Variants in ROBO2 observed in about 807,000 individuals in gnomAD.
ROBO2 encodes the protein roundabout homolog 2.
A neutral mutation model predicts 160.8 loss-of-function variants in ROBO2; 53 were observed. The observed-to-expected ratio is 0.33, with a 90% CI of 0.26 to 0.41. ROBO2 has a LOEUF of 0.41. ROBO2 is among the 10% of genes least tolerant of loss of function. The pLI is 1.00. For missense variants in ROBO2, 1,577 were observed against 1,722.4 expected (o/e 0.92, Z 1.49); for synonymous variants, 664 against 611.7 (o/e 1.09, Z -1.26).
intron 2 of ROBO2, among the ~76,000 whole-genome samples, chr3:76,243,461 A>G (rs1054275098): frequency 1.3e-5 from 2 of 152,212 alleles, no homozygotes; most frequent in Non-Finnish European, 2.9e-5. Flanking sequence ...ATTATCACTT[A>G]TATTACAAAA....
intron 2 of ROBO2, among the ~76,000 whole-genome samples, chr3:76,256,000 G>A (rs1213214631): frequency 1.3e-5 from 2 of 151,952 alleles, no homozygotes; most frequent in Admixed American, 6.6e-5. Context: ...GCTATTATAT[G>A]AAAAAGACTT....
chr3:76,616,108 T>G (rs2088561045), intron 2 of ROBO2, among the ~76,000 whole-genome samples: 1 of 152,224 alleles, frequency 6.6e-6, no homozygotes, highest in African/African-American at 2.4e-5. Flanking sequence ...TGTTACATAT[T>G]TCCAGTAACT....
chr3:76,097,521 G>C (rs974355896), intron 2 of ROBO2, among the ~76,000 whole-genome samples: 1 of 152,142 alleles, frequency 6.6e-6, no homozygotes, highest in Non-Finnish European at 1.5e-5. Context: ...TGAGTATTGT[G>C]ATAGGCAAGA....
intron 2 of ROBO2, among the ~76,000 whole-genome samples, chr3:76,988,945 T>C (rs1012501596): frequency 6.6e-6 from 1 of 152,130 alleles, no homozygotes; most frequent in Non-Finnish European, 1.5e-5. Flanking sequence ...AGAAAAATAA[T>C]TTATATTAAG....
At chr3:76,813,298 A>G (rs781626582) in intron 2 of ROBO2, among the ~76,000 whole-genome samples, 25 of 152,078 alleles carry the variant, frequency 1.6e-4, no homozygotes, top group Non-Finnish European at 3.2e-4. Flanking sequence ...AGTACTACAC[A>G]TTTACTAATC....
intron 2 of ROBO2, among the ~76,000 whole-genome samples, chr3:76,713,745 A>T (rs979703947): frequency 2.6e-5 from 4 of 152,170 alleles, no homozygotes; most frequent in Non-Finnish European, 5.9e-5. Flanking sequence ...TCTTTATTCA[A>T]CATTAACAAC....
intron 2 of ROBO2, among the ~76,000 whole-genome samples, chr3:75,970,387 T>C (rs1311379116): frequency 6.6e-6 from 1 of 151,518 alleles, no homozygotes; most frequent in Non-Finnish European, 1.5e-5. Flanking sequence ...ATTATGATTT[T>C]TAAGTTGTGT....
intron 2 of ROBO2, among the ~76,000 whole-genome samples, chr3:76,350,176 GA>G (rs2074787820): frequency 6.6e-6 from 1 of 152,024 alleles, no homozygotes; most frequent in South Asian, 2.1e-4. Flanking sequence ...ACACACTTGG[GA>G]ATGAATTTAG....
At chr3:77,349,350 C>G (rs2068045760) in intron 2 of ROBO2, among the ~76,000 whole-genome samples, 1 of 152,124 alleles carries the variant, frequency 6.6e-6, no homozygotes, top group Admixed American at 6.5e-5. Context: ...ACTCAATTCT[C>G]TTGACTCCTA....
At chr3:77,031,915 G>A (rs1018274704) in intron 2 of ROBO2, among the ~76,000 whole-genome samples, 23 of 151,998 alleles carry the variant, frequency 1.5e-4, no homozygotes, top group African/African-American at 5.3e-4. Context: ...GGAAGTTCAA[G>A]ATCAAGGCAC....
At chr3:76,374,226 A>T (rs1397501647) in intron 2 of ROBO2, among the ~76,000 whole-genome samples, 1 of 151,990 alleles carries the variant, frequency 6.6e-6, no homozygotes, top group Non-Finnish European at 1.5e-5. Context: ...ACTACAAATG[A>T]TAAAGCATCC....
intron 2 of ROBO2, among the ~76,000 whole-genome samples, chr3:77,025,188 A>G (rs2062887636): frequency 6.6e-6 from 1 of 152,164 alleles, no homozygotes; most frequent in South Asian, 2.1e-4. Flanking sequence ...AATTTTTATT[A>G]TTAGGCATTT....
chr3:76,043,643 A>AAAAAG (rs2067353630), intron 2 of ROBO2, among the ~76,000 whole-genome samples: 3 of 149,926 alleles, frequency 2.0e-5, no homozygotes, highest in Non-Finnish European at 4.4e-5. Flanking sequence ...AAAAAAAAAA[A>AAAAAG]AAACCACACC....
chr3:77,273,490 C>T (rs1276839850), intron 2 of ROBO2, among the ~76,000 whole-genome samples: 1 of 152,094 alleles, frequency 6.6e-6, no homozygotes, highest in African/African-American at 2.4e-5. Flanking sequence ...AGTAATCTAG[C>T]CGTTTTATTT....
intron 2 of ROBO2, among the ~76,000 whole-genome samples, chr3:76,704,042 C>A (rs1330728239): frequency 6.7e-6 from 1 of 149,658 alleles, no homozygotes; most frequent in Non-Finnish European, 1.5e-5. Flanking sequence ...TTTTCTATGT[C>A]TTTGTACATC....
At chr3:77,011,919 TA>T (rs2061946770) in intron 2 of ROBO2, among the ~76,000 whole-genome samples, 1 of 152,100 alleles carries the variant, frequency 6.6e-6, no homozygotes, top group African/African-American at 2.4e-5. Flanking sequence ...AGAAAAGAGA[TA>T]TGAGGAGCAC....
Position 76,615,769 on chromosome 3 carries a change from A to G in ROBO2, c.110-482245A>G, listed in dbSNP as rs1286198573. On this transcript the variant is annotated intron_variant, in intron 2 of 26. Coordinates refer to the ROBO2 transcript ENST00000487694. ...TTTTACTTTATTAATGATAAAAACA[A>G]TAATTCCATGTGTGCATTCTGTTTT... Among the ~76,000 whole-genome samples, 4 of 152,202 alleles carry G rather than the reference A, an allele frequency of 2.6e-5. No homozygotes were observed. In the East Asian group the frequency reaches 5.8e-4, roughly 22 times the overall value.
At chr3:77,544,676 G>A (rs2092627840) in intron 6 of ROBO2, among the ~76,000 whole-genome samples, 1 of 152,036 alleles carries the variant, frequency 6.6e-6, no homozygotes, top group Non-Finnish European at 1.5e-5. Context: ...CTGAAGGACT[G>A]AAATGATTTC....
At position 77,634,853 on chromosome 3, in the gene ROBO2, C is replaced by A; in HGVS notation, c.3761-17C>A. 1 of 1,613,362 alleles carries A rather than the reference C, an allele frequency of 6.2e-7. No homozygotes were observed. The highest frequency in any genetic ancestry group is 8.5e-7 in the Non-Finnish European group (1 of 1,179,368). The stretch of plus-strand genomic sequence containing the variant: ...AATGTCATTCTCTAGAACCCATTCC[C>A]TTTATTTTCATTTTAGGAAAAGCCT... On this transcript the variant is annotated splice_polypyrimidine_tract_variant and intron_variant, in intron 23 of 25. Transcript: ENST00000461745.
Sources: gnomAD v4.1 joint callset for allele counts (sites outside exome capture counted in the v4.1 genomes callset) on GRCh38, gnomAD v4.1.1 for gene constraint, MANE v1.5 for transcripts, NCBI Gene and HGNC (gene_info 2026-07-23, HGNC 2026-07-21) for gene names.